Variants in PGAM1 observed in about 807,000 individuals in gnomAD.
PGAM1 encodes the protein phosphoglycerate mutase 1.
PGAM1 carries 21 observed loss-of-function variants against 23.5 expected under a neutral mutation model. The ratio of observed to expected loss-of-function variants is 0.89; its 90% CI spans 0.63 to 1.29. The LOEUF (loss-of-function observed/expected upper bound fraction) is 1.29, where lower values mean the gene tolerates loss of function less well. Ranked by LOEUF, PGAM1 falls within the 50% of genes most tolerant of loss-of-function variation. PGAM1 has a pLI of 0.00. For missense variants in PGAM1, 232 were observed against 336.3 expected (o/e 0.69, Z 2.42); for synonymous variants, 109 against 128.6 (o/e 0.85, Z 1.03).
At chr10:97,428,674 C>T (rs1845437413) in intron 1 of PGAM1, among the ~76,000 whole-genome samples, 1 of 152,224 alleles carries the variant, frequency 6.6e-6, no homozygotes, top group Non-Finnish European at 1.5e-5. Flanking sequence ...TTCCGGGTGT[C>T]TCAGCCTTTT....
Position 97,432,594 on chromosome 10 carries a change from C to T in PGAM1, c.*70C>T. On this transcript the variant is annotated 3_prime_UTR_variant, in exon 4 of 4. Transcript: ENST00000334828. ...CGTCTTGTCCCTCTGCCCCTCCCAC[C>T]TGCACATGTCACACTGACCACATCT... 1 of 1,066,546 alleles carries T rather than the reference C, an allele frequency of 9.4e-7. No individual in the cohort carries two copies. Among genetic ancestry groups the T allele is most frequent in the South Asian group, 1.3e-5 (1 of 74,386 alleles). 66.1% of individuals were successfully genotyped at this position (1,066,546 alleles called of 1,614,324 possible). A position where few individuals can be genotyped will look rare whatever the true frequency, so the allele number is the denominator to read the frequency against.
chr10:97,430,810 T>G, intron 2 of PGAM1, 145 bp from the exon 3 acceptor site: 1 of 1,465,030 alleles, frequency 6.8e-7, no homozygotes, highest in South Asian at 1.2e-5. Context: ...ATATGGTTGA[T>G]AGTTTACTAT....
chr10:97,431,065 C>A lies in PGAM1; in HGVS notation c.525C>A (p.Ile175=), dbSNP rs773341718. 1.2e-5 allele frequency: 19 copies of A among 1,614,014 alleles called. No individual in the cohort carries two copies. Among genetic ancestry groups the A allele is most frequent in the Non-Finnish European group, 1.6e-5 (19 of 1,179,946 alleles). ...PFWNEEIVPQ[I]KEGKRVLIAA... ...GGAATGAAGAAATAGTTCCCCAGAT[C>A]AAGGAGGGGAAACGTGTACTGATTG... is the stretch of plus-strand genomic sequence containing the variant. The change falls in exon 3 of 4, where the codon ATC becomes ATA. Residue 175 remains isoleucine, a synonymous_variant. Coordinates refer to ENST00000334828, the MANE Select transcript of PGAM1 (RefSeq NM_002629.4).
At chr10:97,427,917 C>T in intron 1 of PGAM1, 2 of 1,287,602 alleles carry the variant, frequency 1.6e-6, no homozygotes, top group Non-Finnish European at 2.0e-6. Context: ...AAGCAAAACG[C>T]AGGACAGTCT....
chr10:97,430,585 A>G lies in PGAM1; in HGVS notation c.346A>G (p.Arg116Gly), dbSNP rs1845459110. 2 of 1,601,514 alleles carry G rather than the reference A, an allele frequency of 1.2e-6. No individual in the cohort carries two copies. Among genetic ancestry groups the G allele is most frequent in the Non-Finnish European group, 8.5e-7 (1 of 1,179,898 alleles). The change falls in exon 2 of 4, where the codon AGG becomes GGG. Residue 116 changes from arginine to glycine, a missense_variant. By Grantham distance (125) the Arg-to-Gly change is moderately radical (BLOSUM62 -2). This residue lies in a region of PGAM1 where 191 missense variants were observed against 241.7 expected (regional missense o/e 0.79). Transcript: ENST00000334828. Reference protein sequence around the residue: ...KHGEAQVKIWRRSYDVPPPPM... With the variant: ...KHGEAQVKIWGRSYDVPPPPM... ...TGGTGAGGCCCAGGTGAAGATCTGG[A>G]GGCGCTCCTATGATGTCCCACCACC...
intron 1 of PGAM1, among the ~76,000 whole-genome samples, chr10:97,428,696 A>G (rs561430709): frequency 4.6e-5 from 7 of 152,326 alleles, no homozygotes; most frequent in Non-Finnish European, 8.8e-5. Flanking sequence ...TTGGGGAGCC[A>G]TTCCTTTCCT....
At chr10:97,426,604 GTC>G (rs1353902262) in intron 1 of PGAM1, among the ~76,000 whole-genome samples, 158 bp downstream of exon 1, 1 of 152,268 alleles carries the variant, frequency 6.6e-6, no homozygotes, top group Non-Finnish European at 1.5e-5. Context: ...AGAGGGTAGA[GTC>G]TACTTGTTCA....
In PGAM1 at chr10:97,430,974, T is replaced by C. The variant is rs1472324460; in HGVS notation, c.434T>C (p.Leu145Pro). The C allele has an allele frequency of 1.2e-6, 2 of 1,613,950 alleles. No homozygotes were observed. The highest frequency in any genetic ancestry group is 1.7e-6 in the Non-Finnish European group (2 of 1,179,872). ...GCTTAGGATCGCAGGTATGCAGACC[T>C]CACAGAAGATCAGCTACCCTCCTGT... Reference protein sequence around the residue: ...NISKDRRYADLTEDQLPSCES... With the variant: ...NISKDRRYADPTEDQLPSCES... The change falls in exon 3 of 4, where the codon CTC becomes CCC. Residue 145 changes from leucine (L) to proline (P), a missense_variant. Around this residue, in one of 3 missense-constraint regions of PGAM1, gnomAD observed 191 missense variants for 241.7 expected, o/e 0.79. Coordinates refer to ENST00000334828, the MANE Select transcript of PGAM1 (RefSeq NM_002629.4).
chr10:97,432,028 TTGGA>T (rs751682227), intron 3 of PGAM1, among the ~76,000 whole-genome samples: 1 of 152,208 alleles, frequency 6.6e-6, no homozygotes, highest in Non-Finnish European at 1.5e-5. Flanking sequence ...TGATTTTTGG[TTGGA>T]TGGGCTGTAC....
At chr10:97,429,364 A>C (rs1328710136) in intron 1 of PGAM1, among the ~76,000 whole-genome samples, 3 of 152,130 alleles carry the variant, frequency 2.0e-5, no homozygotes, top group African/African-American at 4.8e-5. Context: ...TCGGCCTCCC[A>C]AAGTGCTGGG....
rs1016247622 is a variant in PGAM1, at chr10:97,426,194, A to G, written c.-114A>G. On this transcript the variant is annotated 5_prime_UTR_variant, in exon 1 of 4. Transcript: ENST00000334828. ...GAGCGAGTGGAAAGATTTGGGCGAGAACTTGCGCGGGAGCCGGACTGAGCG... is the reference window on the plus strand; with the variant it reads ...GAGCGAGTGGAAAGATTTGGGCGAGGACTTGCGCGGGAGCCGGACTGAGCG... The G allele has an allele frequency of 2.7e-6, 4 of 1,502,626 alleles. No homozygotes were observed. The East Asian group carries it at 9.2e-5, about 35-fold the overall frequency. 93.1% of individuals were successfully genotyped at this position (1,502,626 alleles called of 1,614,324 possible). A position where few individuals can be genotyped will look rare whatever the true frequency, so the allele number is the denominator to read the frequency against.
Position 97,432,217 on chromosome 10 carries a change from C to G in PGAM1, c.596-138C>G, listed in dbSNP as rs1486887013. On this transcript the variant is annotated intron_variant, in intron 3 of 3. Transcript: ENST00000334828. ...TATGGTGGGGGCCATTCCCTGGGTT[C>G]AGAACTACTATAAAGATCAGAAAGG... 5 of 1,220,666 alleles carry G rather than the reference C, an allele frequency of 4.1e-6. 1 individual carries two copies. The Admixed American group carries it at 5.1e-5, about 13-fold the overall frequency. The allele number at this position is 1,220,666 out of a possible 1,614,324, so 75.6% of individuals were successfully genotyped here.
chr10:97,427,652 G>T, intron 1 of PGAM1: 1 of 1,190,516 alleles, frequency 8.4e-7, no homozygotes, highest in Non-Finnish European at 1.1e-6. Context: ...TGCCTATCCA[G>T]GCTTGCTCCC....
At chr10:97,431,932 T>G (rs1845475359) in intron 3 of PGAM1, among the ~76,000 whole-genome samples, 1 of 151,214 alleles carries the variant, frequency 6.6e-6, no homozygotes, top group Admixed American at 6.6e-5. Context: ...AAAGAAAAAA[T>G]TCTCCTTAGT....
rs975943074 is a variant in PGAM1 at position 97,431,284 on chromosome 10, C to G, written c.595+149C>G. On this transcript the variant is annotated intron_variant, in intron 3 of 3. Coordinates refer to ENST00000334828, the MANE Select transcript of PGAM1 (RefSeq NM_002629.4). ...GATTGACTTCTAGTGAAAAAACACC[C>G]TCAACCCTTGTTTCTCAAAATGTGA... 16 of 954,862 alleles carry G rather than the reference C, an allele frequency of 1.7e-5. No homozygotes were observed. In the African/African-American group the frequency reaches 2.0e-4, roughly 12 times the overall value. The allele number at this position is 954,862 out of a possible 1,614,324, so 59.1% of individuals were successfully genotyped here.
chr10:97,427,412 T>G, intron 1 of PGAM1: 1 of 1,007,616 alleles, frequency 9.9e-7, no homozygotes, highest in Non-Finnish European at 1.2e-6. Context: ...TTCGAGTTGC[T>G]CCTTCTACCC....
rs756123999 is a variant in PGAM1, at chr10:97,430,499, T to A, written c.260T>A (p.Leu87His). ...CTGCCAGTGGTGAGGACTTGGCGCC[T>A]CAATGAGCGGCACTATGGGGGTCTA... ...MWLPVVRTWR[L>H]NERHYGGLTG... The change falls in exon 2 of 4, where the codon CTC becomes CAC. Residue 87 changes from leucine (L) to histidine (H), a missense_variant. By Grantham distance (99) the Leu-to-His change is moderately conservative. Coordinates refer to ENST00000334828, the MANE Select transcript of PGAM1 (RefSeq NM_002629.4). The A allele has an allele frequency of 3.7e-6, 6 of 1,601,588 alleles. No individual in the cohort carries two copies. The Admixed American group carries it at 8.3e-5, about 22-fold the overall frequency.
chr10:97,427,405 G>A (rs1419985018), intron 1 of PGAM1: 26 of 1,005,684 alleles, frequency 2.6e-5, no homozygotes, highest in Non-Finnish European at 2.7e-5. Context: ...TGAATGATTC[G>A]AGTTGCTCCT....
chr10:97,432,301 G>C, intron 3 of PGAM1, 54 bp from the exon 4 acceptor site: 1 of 1,608,726 alleles, frequency 6.2e-7, no homozygotes, highest in African/African-American at 1.3e-5. Flanking sequence ...AGTAAACCTG[G>C]AGGGGTGATG....
Sources: allele counts gnomAD v4.1 joint callset (sites outside exome capture counted in the v4.1 genomes callset), GRCh38; gene constraint gnomAD v4.1.1; regional missense constraint gnomAD v4.1.1; transcripts MANE v1.5; gene names NCBI Gene and HGNC (gene_info 2026-07-23, HGNC 2026-07-21).